CDH8: variants seen among roughly 807,000 people sequenced by gnomAD.
The protein encoded by CDH8 is cadherin 8.
A neutral mutation model predicts 68.1 loss-of-function variants in CDH8; 17 were observed. The observed-to-expected ratio is 0.25, with a 90% CI of 0.17 to 0.37. The LOEUF (loss-of-function observed/expected upper bound fraction) is 0.37, where lower values mean the gene tolerates loss of function less well. Among genes scored for constraint, CDH8 ranks in the 10% least tolerant of loss-of-function variants. CDH8 has a pLI of 1.00. For missense variants in CDH8, 763 were observed against 999.3 expected (o/e 0.76, Z 3.19); for synonymous variants, 372 against 365.1 (o/e 1.02, Z -0.21).
At chr16:61,772,559 C>T (rs1960805643) in intron 8 of CDH8, among the ~76,000 whole-genome samples, 1 of 152,060 alleles carries the variant, frequency 6.6e-6, no homozygotes, top group African/African-American at 2.4e-5. Context: ...AGCTGCGACA[C>T]TTTTAATTGT....
chr16:61,810,580 G>A (rs187280236), intron 7 of CDH8, among the ~76,000 whole-genome samples: 2 of 152,256 alleles, frequency 1.3e-5, no homozygotes, highest in African/African-American at 4.8e-5. Context: ...GTTCTCTACA[G>A]GGTGAGATAT....
intron 2 of CDH8, among the ~76,000 whole-genome samples, chr16:61,989,421 A>G (rs1407074322): frequency 6.6e-6 from 1 of 152,178 alleles, no homozygotes; most frequent in Non-Finnish European, 1.5e-5. Context: ...TAAACTCTCA[A>G]GACATGGGGA....
chr16:61,789,605 G>T, intron 7 of CDH8, 123 bp from the exon 8 acceptor site: 1 of 878,094 alleles, frequency 1.1e-6, no homozygotes, highest in Non-Finnish European at 1.6e-6. Flanking sequence ...GAAACTCAGT[G>T]GCATCATAAT....
rs552668157 is a variant in CDH8 at position 61,911,350 on chromosome 16, CA to C, written c.253-9878del. ...CTCAGCCATCCTTCCATTTATGTTT[CA>C]ATGCACATTAAATGTTTTAAACAAA... On this transcript the variant is annotated intron_variant, in intron 2 of 11. Transcript: ENST00000577390. Among the ~76,000 whole-genome samples, 21 of 152,156 alleles carry C rather than the reference CA, an allele frequency of 1.4e-4. No homozygotes were observed. In the East Asian group the frequency reaches 3.9e-3, roughly 28 times the overall value.
At chr16:61,782,804 G>A (rs1961114362) in intron 8 of CDH8, among the ~76,000 whole-genome samples, 1 of 152,090 alleles carries the variant, frequency 6.6e-6, no homozygotes, top group South Asian at 2.1e-4. Flanking sequence ...CAGCCTAACT[G>A]GGAGGCACCC....
At chr16:61,996,587 A>G (rs1039518378) in intron 2 of CDH8, among the ~76,000 whole-genome samples, 2 of 152,204 alleles carry the variant, frequency 1.3e-5, no homozygotes, top group African/African-American at 4.8e-5. Flanking sequence ...ACAGGGACCT[A>G]GATAAGATGG....
chr16:61,808,926 C>T (rs1567480048), intron 7 of CDH8, among the ~76,000 whole-genome samples: 1 of 152,214 alleles, frequency 6.6e-6, no homozygotes, highest in Non-Finnish European at 1.5e-5. Flanking sequence ...TGGCTAACGC[C>T]TGTAATCCTA....
At chr16:61,792,775 G>T (rs76493394) in intron 7 of CDH8, among the ~76,000 whole-genome samples, 145 of 152,004 alleles carry the variant, frequency 9.5e-4, no homozygotes, top group African/African-American at 3.4e-3. Flanking sequence ...TAACAAGATT[G>T]CTGTGAAGAT....
rs749345691 is a variant in CDH8, at chr16:61,845,502, T to TAAAAA, written c.667+11612_667+11616dup. ...CCTTTAAAGAAACTCTCCAGATATG[T>TAAAAA]AAAAAAAAAAAAAAAAAAAACTATC... is the stretch of plus-strand genomic sequence containing the variant. On this transcript the variant is annotated intron_variant, in intron 4 of 11. Coordinates refer to ENST00000577390, the MANE Select transcript of CDH8 (RefSeq NM_001796.5). Among the ~76,000 whole-genome samples, 993 of 117,670 alleles carry TAAAAA rather than the reference T, an allele frequency of 8.4e-3. 19 individuals carry two copies. Among genetic ancestry groups the TAAAAA allele is most frequent in the African/African-American group, 0.028 (922 of 32,526 alleles). 77.2% of individuals were successfully genotyped at this position (117,670 alleles called of 152,430 possible).
At chr16:61,704,915 A>G (rs1051969906) in intron 10 of CDH8, among the ~76,000 whole-genome samples, 2 of 152,208 alleles carry the variant, frequency 1.3e-5, no homozygotes, top group African/African-American at 4.8e-5. Context: ...TGTCTGGCCA[A>G]GCAAAAGAAT....
chr16:61,992,064 G>A (rs1047298675), intron 2 of CDH8, among the ~76,000 whole-genome samples: 3 of 139,188 alleles, frequency 2.2e-5, no homozygotes, highest in African/African-American at 7.8e-5. Flanking sequence ...GTGTGTGTGT[G>A]TGTGTGTGTG....
chr16:61,729,777 C>T (rs1959482702), intron 8 of CDH8, among the ~76,000 whole-genome samples: 1 of 151,212 alleles, frequency 6.6e-6, no homozygotes, highest in African/African-American at 2.4e-5. Flanking sequence ...ACTGCATGTA[C>T]AGATTAGACA....
At chr16:61,842,582 T>C (rs1182655430) in intron 4 of CDH8, among the ~76,000 whole-genome samples, 1 of 152,184 alleles carries the variant, frequency 6.6e-6, no homozygotes, top group Non-Finnish European at 1.5e-5. Flanking sequence ...CACAACAGAC[T>C]AAGGCAGAAA....
rs909181670 is a variant in CDH8, at chr16:61,739,897, A to G, written c.1415-12682T>C. Among the ~76,000 whole-genome samples, 33 of 93,966 alleles carry G rather than the reference A, an allele frequency of 3.5e-4. 1 individual carries two copies. In the South Asian group the frequency reaches 0.01, roughly 29 times the overall value. The allele number at this position is 93,966 out of a possible 152,430, so 61.6% of individuals were successfully genotyped here. ...TACAACATATTCCATATATATATAT[A>G]TATATATATATATATGTATTTTTTT... On this transcript the variant is annotated intron_variant, in intron 8 of 11. Coordinates refer to ENST00000577390, the MANE Select transcript of CDH8 (RefSeq NM_001796.5).
intron 7 of CDH8, among the ~76,000 whole-genome samples, chr16:61,801,820 C>G (rs1240958164): frequency 6.6e-6 from 1 of 152,328 alleles, no homozygotes; most frequent in East Asian, 1.9e-4. Context: ...GCCCTACGCC[C>G]ACGGAGTCTC....
rs770039944 is a variant in CDH8, at chr16:61,655,519, G to T, written c.1857C>A (p.Leu619=). The T allele has an allele frequency of 1.2e-5, 20 of 1,613,888 alleles. No individual in the cohort carries two copies. In the Admixed American group the frequency reaches 3.3e-4, roughly 27 times the overall value. Residue 619 remains leucine (L), a synonymous_variant, in exon 11 of 12, where the codon CTC becomes CTA. Coordinates refer to ENST00000577390, the MANE Select transcript of CDH8 (RefSeq NM_001796.5). ...ATATGGCAATTAAGGCGCCCATACT[G>T]AGTCCAATTGGAAGGACATAAGCTT... ...NVEAYVLPIG[L]SMGALIAILA...
chr16:62,006,912 GTT>G (rs5817333), intron 2 of CDH8, among the ~76,000 whole-genome samples: 77 of 123,956 alleles, frequency 6.2e-4, no homozygotes, highest in South Asian at 2.3e-3. Context: ...TAATCTTTTT[GTT>G]TTTTTTTTTT....
chr16:61,764,987 A>T (rs1433154298), intron 8 of CDH8, among the ~76,000 whole-genome samples: 1 of 152,000 alleles, frequency 6.6e-6, no homozygotes, highest in Non-Finnish European at 1.5e-5. Context: ...TGCCCTTTAC[A>T]TACCTCAGAG....
chr16:61,856,257 G>A (rs1195230866), intron 4 of CDH8, among the ~76,000 whole-genome samples: 1 of 151,676 alleles, frequency 6.6e-6, no homozygotes, highest in Non-Finnish European at 1.5e-5. Flanking sequence ...CAATACCACT[G>A]GATATAGAAG....
Sources: gnomAD v4.1 joint callset for allele counts (sites outside exome capture counted in the v4.1 genomes callset) on GRCh38, gnomAD v4.1.1 for gene constraint, MANE v1.5 for transcripts, NCBI Gene and HGNC (gene_info 2026-07-23, HGNC 2026-07-21) for gene names.